The following EIPR1 variants were observed in gnomAD, a reference collection of about 807,000 sequenced individuals.
EIPR1 encodes EARP complex and GARP complex interacting protein 1, also known as EARP and GARP complex-interacting protein 1.
In EIPR1, 25 loss-of-function variants were observed where a neutral mutation model predicts 48.1. The ratio of observed to expected loss-of-function variants is 0.52; its 90% CI spans 0.38 to 0.73. The LOEUF is 0.73. Ranked by LOEUF, EIPR1 falls within the 30% of genes least tolerant of loss-of-function variation. The probability of loss-of-function intolerance (pLI) is 0.00; values close to 1 mark genes in which losing one functional copy is unlikely to be tolerated. For synonymous variants in EIPR1, 204 were observed against 201.9 expected (o/e 1.01, Z -0.09); for missense variants, 415 against 506.2 (o/e 0.82, Z 1.73).
chr2:3,323,496 T>A (rs1669598137), intron 3 of EIPR1, among the ~76,000 whole-genome samples: 1 of 152,194 alleles, frequency 6.6e-6, no homozygotes, highest in Non-Finnish European at 1.5e-5. Context: ...CGCGACAAGG[T>A]CTTCATTCTG....
At chr2:3,206,514 A>G (rs567915414) in intron 5 of EIPR1, among the ~76,000 whole-genome samples, 2 of 152,352 alleles carry the variant, frequency 1.3e-5, no homozygotes, top group East Asian at 3.9e-4. Context: ...ACAGGGCATC[A>G]GCTGTCCCCA....
chr2:3,198,213 C>T (rs892436578), intron 5 of EIPR1, among the ~76,000 whole-genome samples: 8 of 152,216 alleles, frequency 5.3e-5, no homozygotes, highest in Admixed American at 3.3e-4. Flanking sequence ...AGCGCACTGG[C>T]TGCAGATGCT....
At chr2:3,260,097 C>G (rs1667280079) in intron 3 of EIPR1, among the ~76,000 whole-genome samples, 1 of 152,180 alleles carries the variant, frequency 6.6e-6, no homozygotes, top group South Asian at 2.1e-4. Context: ...AAATTAAGAA[C>G]TTCTATTCAC....
intron 3 of EIPR1, among the ~76,000 whole-genome samples, chr2:3,324,606 G>A (rs1055405183): frequency 3.9e-5 from 6 of 152,242 alleles, no homozygotes; most frequent in Non-Finnish European, 7.3e-5. Context: ...TCTGAAAGCC[G>A]ACCCTGCCCA....
At chr2:3,351,520 T>A (rs1474509256) in intron 2 of EIPR1, among the ~76,000 whole-genome samples, 2 of 152,144 alleles carry the variant, frequency 1.3e-5, no homozygotes, top group Admixed American at 1.3e-4. Flanking sequence ...CTGGCGTGCC[T>A]CCCATCCTAT....
intron 4 of EIPR1, among the ~76,000 whole-genome samples, chr2:3,220,641 C>A (rs369657574): frequency 6.6e-6 from 1 of 151,772 alleles, no homozygotes; most frequent in African/African-American, 2.4e-5. Context: ...GGTGCACACA[C>A]GCGATTACCA....
chr2:3,208,325 G>T, intron 5 of EIPR1: 1 of 768,396 alleles, frequency 1.3e-6, no homozygotes, highest in Non-Finnish European at 2.0e-6. Flanking sequence ...GTCTGGGCAG[G>T]CAGGAGCCAC....
At chr2:3,241,195 C>A (rs551712048) in intron 4 of EIPR1, among the ~76,000 whole-genome samples, 117 of 152,328 alleles carry the variant, frequency 7.7e-4, no homozygotes, top group African/African-American at 2.7e-3. Context: ...CCTCCTAAAG[C>A]AAAGCCAGCT....
intron 1 of EIPR1, among the ~76,000 whole-genome samples, chr2:3,360,288 C>T (rs1670820995): frequency 6.6e-6 from 1 of 152,024 alleles, no homozygotes; most frequent in African/African-American, 2.4e-5. Flanking sequence ...CCTGTAATCT[C>T]AGCTACTCAA....
At chr2:3,362,377 T>C (rs768749039) in intron 1 of EIPR1, among the ~76,000 whole-genome samples, 1 of 148,984 alleles carries the variant, frequency 6.7e-6, no homozygotes, top group Non-Finnish European at 1.5e-5. Context: ...TTTCCAGCGC[T>C]CTCCATCCCC....
intron 3 of EIPR1, among the ~76,000 whole-genome samples, chr2:3,284,314 G>A (rs1668111232): frequency 9.1e-6 from 1 of 109,366 alleles, no homozygotes; most frequent in Non-Finnish European, 1.9e-5. Context: ...AGAAGGCCGT[G>A]CCACGGCTGC....
intron 4 of EIPR1, among the ~76,000 whole-genome samples, chr2:3,250,100 AG>A (rs111994748): frequency 0.019 from 2,836 of 152,332 alleles, 83 homozygotes; most frequent in African/African-American, 0.065. Flanking sequence ...GACACTGCCT[AG>A]TGGAGCTGTA....
chr2:3,348,518 G>A (rs1376998443), intron 2 of EIPR1, among the ~76,000 whole-genome samples: 1 of 152,160 alleles, frequency 6.6e-6, no homozygotes, highest in East Asian at 1.9e-4. Flanking sequence ...CCTCCTCAAA[G>A]GAGAACCCCA....
At chr2:3,313,802 G>C (rs982438783) in intron 3 of EIPR1, among the ~76,000 whole-genome samples, 5 of 152,198 alleles carry the variant, frequency 3.3e-5, no homozygotes, top group Non-Finnish European at 7.3e-5. Flanking sequence ...CAAGGCCCAA[G>C]CTGGGGCCTG....
rs1205424857 is a variant in EIPR1, at chr2:3,254,765, G to T, written c.416+2534C>A. ...ATAGCACAAGGGACCCAGGGTTGGA[G>T]TTGTTCTGTGTCTTGACTCTGGTGG... On this transcript the variant is annotated intron_variant, in intron 4 of 8. Coordinates refer to ENST00000382125, the MANE Select transcript of EIPR1 (RefSeq NM_003310.5). 2.0e-5 allele frequency among the ~76,000 whole-genome samples: 3 copies of T among 152,214 alleles called. 1 individual carries two copies.
intron 3 of EIPR1, among the ~76,000 whole-genome samples, chr2:3,285,061 C>T (rs958822116): frequency 5.3e-5 from 8 of 152,198 alleles, no homozygotes; most frequent in African/African-American, 1.9e-4. Flanking sequence ...CACAGGGACA[C>T]GTCAGACCAC....
chr2:3,320,841 C>G (rs974403699), intron 3 of EIPR1, among the ~76,000 whole-genome samples: 1 of 152,180 alleles, frequency 6.6e-6, no homozygotes, highest in Non-Finnish European at 1.5e-5. Context: ...AAAGCAAAAC[C>G]CTCTTCAGCT....
intron 4 of EIPR1, among the ~76,000 whole-genome samples, chr2:3,235,195 C>T (rs1558240976): frequency 6.6e-6 from 1 of 152,186 alleles, no homozygotes; most frequent in Admixed American, 6.5e-5. Context: ...TCACTCACTA[C>T]CCTCTTCAAA....
intron 2 of EIPR1, among the ~76,000 whole-genome samples, chr2:3,352,044 A>G (rs1670592927): frequency 6.8e-6 from 1 of 146,794 alleles, no homozygotes; most frequent in Non-Finnish European, 1.5e-5. Flanking sequence ...GACACCTTTG[A>G]TCAGCATATC....
Sources: gnomAD v4.1 joint callset for allele counts (sites outside exome capture counted in the v4.1 genomes callset) on GRCh38, gnomAD v4.1.1 for gene constraint, MANE v1.5 for transcripts, NCBI Gene and HGNC (gene_info 2026-07-23, HGNC 2026-07-21) for gene names.